The following SCHIP1 variants were observed in gnomAD, a reference collection of about 807,000 sequenced individuals.
SCHIP1 encodes schwannomin interacting protein 1, also known as schwannomin-interacting protein 1.
In SCHIP1, 8 loss-of-function variants were observed where a neutral mutation model predicts 29.7. That is an observed-to-expected ratio of 0.27 (90% CI 0.16 to 0.49). The LOEUF (loss-of-function observed/expected upper bound fraction) is 0.49. Ranked by LOEUF, SCHIP1 falls within the 20% of genes least tolerant of loss-of-function variation. The pLI is 0.99. For missense variants in SCHIP1, 193 were observed against 294.6 expected (o/e 0.66, Z 2.52); for synonymous variants, 76 against 94.9 (o/e 0.80, Z 1.16).
chr3:159,415,697 T>G, the SCHIP1 span, among the ~76,000 whole-genome samples: 1 of 152,218 alleles, frequency 6.6e-6, no homozygotes, highest in African/African-American at 2.4e-5. Context: ...CTGTCACTGA[T>G]GGGCATTTAG....
chr3:159,497,007 A>G, the SCHIP1 span, among the ~76,000 whole-genome samples: 1 of 152,178 alleles, frequency 6.6e-6, no homozygotes, highest in African/African-American at 2.4e-5. Flanking sequence ...TCGCAAGGAC[A>G]AAAAGCCAAA....
At chr3:159,623,035 C>A in the SCHIP1 span, among the ~76,000 whole-genome samples, 1 of 152,168 alleles carries the variant, frequency 6.6e-6, no homozygotes, top group Non-Finnish European at 1.5e-5. Context: ...GGATTGGCAA[C>A]AGACTGAATA....
the SCHIP1 span, among the ~76,000 whole-genome samples, chr3:159,713,273 A>AAAGAAAGAAAGC: frequency 6.6e-6 from 1 of 151,332 alleles, no homozygotes; most frequent in Non-Finnish European, 1.5e-5. Flanking sequence ...AGAAAGAAAG[A>AAAGAAAGAAAGC]AAGAAAGAAA....
the SCHIP1 span, among the ~76,000 whole-genome samples, chr3:159,720,028 A>G: frequency 6.6e-6 from 1 of 152,170 alleles, no homozygotes; most frequent in Non-Finnish European, 1.5e-5. Context: ...TGGCACATAT[A>G]CACCATGGAA....
chr3:159,734,212 G>A, the SCHIP1 span, among the ~76,000 whole-genome samples: 232 of 144,548 alleles, frequency 1.6e-3, 1 homozygote, highest in South Asian at 6.6e-3. Context: ...GCGCAATCTC[G>A]GCTCACTTCA....
the SCHIP1 span, among the ~76,000 whole-genome samples, chr3:159,814,805 T>C: frequency 1.1e-4 from 17 of 152,212 alleles, no homozygotes; most frequent in Non-Finnish European, 2.4e-4. Flanking sequence ...TTTGTGGCTT[T>C]GTGATTCTAG....
chr3:159,814,938 C>G, the SCHIP1 span, among the ~76,000 whole-genome samples: 2 of 152,174 alleles, frequency 1.3e-5, no homozygotes, highest in South Asian at 4.1e-4. Context: ...CTGGGTGACA[C>G]TAGGCCAAAC....
the SCHIP1 span, among the ~76,000 whole-genome samples, chr3:159,636,215 T>C: frequency 6.6e-6 from 1 of 152,100 alleles, no homozygotes; most frequent in African/African-American, 2.4e-5. Context: ...GCCCGGCTAA[T>C]TTTTGTAGTT....
the SCHIP1 span, among the ~76,000 whole-genome samples, chr3:159,316,303 C>G: frequency 3.9e-5 from 6 of 152,158 alleles, no homozygotes. Flanking sequence ...AGTCTCAAAA[C>G]TGAAGAACTT....
chr3:159,551,821 T>A, the SCHIP1 span, among the ~76,000 whole-genome samples: 11 of 152,142 alleles, frequency 7.2e-5, no homozygotes, highest in African/African-American at 2.7e-4. Flanking sequence ...TGTTGGAACA[T>A]GAAACCACAT....
At chr3:159,839,966 G>A in exon 1 of SCHIP1, 2 of 1,417,544 alleles carry the variant, frequency 1.4e-6, no homozygotes, top group South Asian at 1.5e-5. Context: ...CACTGGTTTC[G>A]GAGGGCTGGA....
chr3:159,854,709 T>C (rs1713114019), intron 1 of SCHIP1, among the ~76,000 whole-genome samples: 1 of 152,236 alleles, frequency 6.6e-6, no homozygotes, highest in Non-Finnish European at 1.5e-5. Context: ...AGCCATCTCA[T>C]ACTTCTGCTA....
chr3:159,580,638 T>A, the SCHIP1 span, among the ~76,000 whole-genome samples: 5 of 152,194 alleles, frequency 3.3e-5, no homozygotes, highest in East Asian at 9.6e-4. Flanking sequence ...GATGCCTGCT[T>A]TCATGAAAAT....
chr3:159,365,972 C>T, the SCHIP1 span, among the ~76,000 whole-genome samples: 2 of 152,070 alleles, frequency 1.3e-5, no homozygotes, highest in Non-Finnish European at 2.9e-5. Flanking sequence ...TGTATTAGAC[C>T]GCTCTTGTAT....
At chr3:159,613,396 C>G in the SCHIP1 span, among the ~76,000 whole-genome samples, 1 of 152,060 alleles carries the variant, frequency 6.6e-6, no homozygotes, top group African/African-American at 2.4e-5. Context: ...AAACAATCAA[C>G]CAATGTAAAA....
the SCHIP1 span, among the ~76,000 whole-genome samples, chr3:159,355,355 A>G: frequency 1.3e-5 from 2 of 152,188 alleles, no homozygotes; most frequent in Non-Finnish European, 2.9e-5. Flanking sequence ...ACTCATCCCA[A>G]TGCAGCATCT....
At chr3:159,316,763 G>T in the SCHIP1 span, among the ~76,000 whole-genome samples, 3 of 152,072 alleles carry the variant, frequency 2.0e-5, no homozygotes, top group Admixed American at 6.5e-5. Context: ...ATACTTAAAG[G>T]CTTATATGAA....
the SCHIP1 span, among the ~76,000 whole-genome samples, chr3:159,557,174 G>A: frequency 3.4e-3 from 518 of 151,756 alleles, 2 homozygotes; most frequent in African/African-American, 0.011. Flanking sequence ...AGCCAGGATG[G>A]TCTCGATCTC....
the SCHIP1 span, among the ~76,000 whole-genome samples, chr3:159,408,365 C>T: frequency 6.8e-6 from 1 of 147,728 alleles, no homozygotes; most frequent in Non-Finnish European, 1.5e-5. Flanking sequence ...CACCACAAAA[C>T]ATTAATGAAA....
Sources: allele counts gnomAD v4.1 joint callset (sites outside exome capture counted in the v4.1 genomes callset), GRCh38; gene constraint gnomAD v4.1.1; transcripts MANE v1.5; gene names NCBI Gene and HGNC (gene_info 2026-07-23, HGNC 2026-07-21).